The following HAT1 variants were observed in gnomAD, a reference collection of about 807,000 sequenced individuals.
The protein encoded by HAT1 is histone acetyltransferase 1.
HAT1 carries 20 observed loss-of-function variants against 56.6 expected under a neutral mutation model. That is an observed-to-expected ratio of 0.35 (90% CI 0.25 to 0.51). The LOEUF is 0.51. Ranked by LOEUF, HAT1 falls within the 20% of genes least tolerant of loss-of-function variation. The pLI is 0.95. For missense variants in HAT1, 408 were observed against 504.3 expected (o/e 0.81, Z 1.83); for synonymous variants, 146 against 165.5 (o/e 0.88, Z 0.91).
intron 9 of HAT1, among the ~76,000 whole-genome samples, chr2:171,977,557 A>ATTTTTTTTTT (rs1172067451): frequency 1.0e-3 from 17 of 16,334 alleles, no homozygotes; most frequent in East Asian, 3.7e-3. Flanking sequence ...ATATATATAT[A>ATTTTTTTTTT]TTTTTTTTTT....
chr2:171,953,999 AAATT>A (rs1318791075), intron 4 of HAT1, among the ~76,000 whole-genome samples: 10 of 152,094 alleles, frequency 6.6e-5, no homozygotes, highest in African/African-American at 1.9e-4. Flanking sequence ...TCTCAAAAAA[AAATT>A]AATTAATTAA....
chr2:171,929,842 A>G (rs1000483380), intron 2 of HAT1, among the ~76,000 whole-genome samples: 4 of 152,134 alleles, frequency 2.6e-5, no homozygotes, highest in African/African-American at 9.7e-5. Context: ...GTAACTTTCT[A>G]TTGATTCCTG....
At chr2:171,945,481 C>T (rs903471882) in intron 2 of HAT1, among the ~76,000 whole-genome samples, 1 of 147,952 alleles carries the variant, frequency 6.8e-6, no homozygotes, top group African/African-American at 2.5e-5. Flanking sequence ...CTTTAGCTAG[C>T]TAGCTAGCTA....
chr2:171,959,303 T>G (rs1194635066), intron 4 of HAT1, among the ~76,000 whole-genome samples: 1 of 152,226 alleles, frequency 6.6e-6, no homozygotes, highest in Non-Finnish European at 1.5e-5. Context: ...CAGGTGATGT[T>G]TTTCCTTGTG....
At position 171,960,913 on chromosome 2, in the gene HAT1, G is replaced by GGACAGGTCACTTGAGGTC. The variant is rs1687557152; in HGVS notation, c.310-4424_310-4407dup. Among the ~76,000 whole-genome samples, 8 of 152,122 alleles carry GGACAGGTCACTTGAGGTC rather than the reference G, an allele frequency of 5.3e-5. No homozygotes were observed. In the South Asian group the frequency reaches 1.7e-3, roughly 32 times the overall value. ...TCCCAGCGCTTTGGGAGGCCGAGGTGGACAGGTCACTTGAGGTCAGGAGTT... is the reference window on the plus strand; with the variant it reads ...TCCCAGCGCTTTGGGAGGCCGAGGTGGACAGGTCACTTGAGGTCGACAGGTCACTTGAGGTCAGGAGTT... On this transcript the variant is annotated intron_variant, in intron 4 of 10. Transcript: ENST00000264108.
At chr2:171,949,998 TGTTA>T (rs958347152) in intron 3 of HAT1, among the ~76,000 whole-genome samples, 81 of 152,330 alleles carry the variant, frequency 5.3e-4, no homozygotes, top group African/African-American at 1.9e-3. Context: ...GTACTTTCCC[TGTTA>T]GTTCTGGAGT....
At chr2:171,968,018 C>T (rs950532656) in intron 8 of HAT1, among the ~76,000 whole-genome samples, 4 of 151,698 alleles carry the variant, frequency 2.6e-5, no homozygotes, top group African/African-American at 9.7e-5. Flanking sequence ...GAAGTTGCTT[C>T]AGAACAGTGA....
chr2:171,964,785 A>C (rs769126769), intron 4 of HAT1: 4 of 152,162 alleles, frequency 2.6e-5, no homozygotes, highest in Non-Finnish European at 5.9e-5. Context: ...TCTAAGGATA[A>C]AAGAATGATA....
intron 2 of HAT1, 81 bp from the exon 3 acceptor site, chr2:171,946,627 A>G (rs1687171172): frequency 1.2e-6 from 1 of 813,516 alleles, no homozygotes; most frequent in Non-Finnish European, 2.1e-6. Context: ...GTTATACTGA[A>G]ACTCATGAAA....
At chr2:171,965,720 G>C in intron 5 of HAT1, 67 bp from the exon 6 acceptor site, 1 of 1,480,870 alleles carries the variant, frequency 6.8e-7, no homozygotes, top group East Asian at 2.3e-5. Flanking sequence ...GGATAATTTT[G>C]TGTTCTGCGG....
chr2:171,972,687 G>A (rs913968074), intron 8 of HAT1, among the ~76,000 whole-genome samples: 1 of 152,242 alleles, frequency 6.6e-6, no homozygotes, highest in Non-Finnish European at 1.5e-5. Context: ...GCACAGCAGA[G>A]GTTTTGGCAG....
chr2:171,931,088 A>G lies in HAT1; in HGVS notation c.112+5447A>G, dbSNP rs116249362. The stretch of plus-strand genomic sequence containing the variant: ...CCAAAATCTGCCGATGATCCGGTCC[A>G]TTATACAAAATGCCATAGTGTGGCT... On this transcript the variant is annotated intron_variant, in intron 2 of 10. Coordinates refer to ENST00000264108, the MANE Select transcript of HAT1 (RefSeq NM_003642.4). Among the ~76,000 whole-genome samples the G allele has an allele frequency of 4.0e-3, 604 of 152,204 alleles. 2 individuals are homozygous for G. The highest frequency in any genetic ancestry group is 3.9e-3 in the Non-Finnish European group (268 of 68,000).
intron 8 of HAT1, among the ~76,000 whole-genome samples, chr2:171,974,192 AGAAAAAAAGAAAAAG>A (rs1687897786): frequency 1.9e-5 from 2 of 103,436 alleles, no homozygotes; most frequent in Non-Finnish European, 1.9e-5. Flanking sequence ...AAAAAAAAAA[AGAAAAAAAGAAAAAG>A]AAAAAAAAAA....
In HAT1 at chr2:171,977,824, A is replaced by T. The variant is rs544011914; in HGVS notation, c.976-1423A>T. 6.6e-5 allele frequency among the ~76,000 whole-genome samples: 10 copies of T among 151,360 alleles called. No individual in the cohort carries two copies. The South Asian group carries it at 2.1e-3, about 32-fold the overall frequency. On this transcript the variant is annotated intron_variant, in intron 9 of 10. Transcript: ENST00000264108. ...TTTACCTGAAATACTCCCTTTTCCT[A>T]ATTGCCTGGCCAGATAGTACTCATT... is the stretch of plus-strand genomic sequence containing the variant.
At chr2:171,940,433 G>T (rs1428998474) in intron 2 of HAT1, among the ~76,000 whole-genome samples, 2 of 152,112 alleles carry the variant, frequency 1.3e-5, no homozygotes, top group Non-Finnish European at 2.9e-5. Flanking sequence ...GCCTAAGGAG[G>T]AACACGCGCC....
At chr2:171,970,938 C>A (rs1358107710) in intron 8 of HAT1, among the ~76,000 whole-genome samples, 1 of 151,922 alleles carries the variant, frequency 6.6e-6, no homozygotes, top group East Asian at 2.0e-4. Flanking sequence ...CCATGGCTCA[C>A]GCCTGTAATC....
At chr2:171,967,545 G>A (rs1437125480) in intron 8 of HAT1, among the ~76,000 whole-genome samples, 5 of 152,008 alleles carry the variant, frequency 3.3e-5, no homozygotes, top group African/African-American at 4.8e-5. Flanking sequence ...CGACTTACTC[G>A]ACTTGACTCT....
intron 4 of HAT1, among the ~76,000 whole-genome samples, chr2:171,961,728 A>G (rs904510246): frequency 6.6e-6 from 1 of 152,202 alleles, no homozygotes; most frequent in Non-Finnish European, 1.5e-5. Context: ...AAGTAGCAAA[A>G]TACTAATGCA....
intron 2 of HAT1, among the ~76,000 whole-genome samples, chr2:171,942,517 A>G (rs1687043363): frequency 6.6e-6 from 1 of 152,196 alleles, no homozygotes; most frequent in Non-Finnish European, 1.5e-5. Context: ...TCATGATAAC[A>G]TGTTTAATAA....
Sources: allele counts gnomAD v4.1 joint callset (sites outside exome capture counted in the v4.1 genomes callset), GRCh38; gene constraint gnomAD v4.1.1; transcripts MANE v1.5; gene names NCBI Gene and HGNC (gene_info 2026-07-23, HGNC 2026-07-21).